The following JADE3 variants were observed in gnomAD, a reference collection of about 807,000 sequenced individuals.
JADE3 encodes protein Jade-3.
Under a neutral mutation model 50.1 loss-of-function variants are expected in JADE3, and 2 were observed. The observed-to-expected ratio is 0.04, with a 90% confidence interval of 0.02 to 0.13. JADE3 has a LOEUF of 0.13. JADE3 is among the 10% of genes least tolerant of loss of function. The pLI, the probability that JADE3 is intolerant of heterozygous loss-of-function variation, is 1.00. For synonymous variants in JADE3, 218 were observed against 232.9 expected, an observed-to-expected ratio of 0.94 and a Z score of 0.58; for missense variants, 475 against 634.4, an observed-to-expected ratio of 0.75 and a Z score of 2.70.
intron 1 of JADE3, among the ~76,000 whole-genome samples, chrX:46,925,817 C>T (rs1314088276): frequency 1.1e-5 from 1 of 88,481 alleles, no homozygotes; most frequent in Non-Finnish European, 2.1e-5. Context: ...GAGCAAGACT[C>T]CGTCTAAAAA....
At chrX:46,935,309 ATTG>A (rs1926592542) in intron 1 of JADE3, among the ~76,000 whole-genome samples, 1 of 111,831 alleles carries the variant, frequency 8.9e-6, no homozygotes, top group Non-Finnish European at 1.9e-5. Flanking sequence ...TTTAAATTCA[ATTG>A]TTATTATTCC....
chrX:47,040,819 C>A (rs1193798966), intron 8 of JADE3, among the ~76,000 whole-genome samples: 2 of 109,172 alleles, frequency 1.8e-5, no homozygotes, highest in Admixed American at 2.0e-4. Context: ...ATTTCTTGCT[C>A]TAGACCTGGG....
intron 6 of JADE3, among the ~76,000 whole-genome samples, chrX:47,032,788 AT>A (rs1201380992): frequency 9.0e-6 from 1 of 111,440 alleles, no homozygotes; most frequent in Non-Finnish European, 1.9e-5. Flanking sequence ...GACCGATATT[AT>A]GGTAACTGTT....
chrX:46,942,704 A>G (rs1280357046), intron 1 of JADE3, among the ~76,000 whole-genome samples: 1 of 111,881 alleles, frequency 8.9e-6, no homozygotes, highest in Non-Finnish European at 1.9e-5. Flanking sequence ...TTGTTGTTCC[A>G]TATGAATTTT....
At chrX:46,982,474 G>A (rs782698418) in intron 1 of JADE3, among the ~76,000 whole-genome samples, 14 of 111,385 alleles carry the variant, frequency 1.3e-4, no homozygotes, top group Admixed American at 9.6e-4. Flanking sequence ...GGTTGTATGG[G>A]TCATACTTTC....
At chrX:46,984,117 C>G (rs895634283) in intron 1 of JADE3, among the ~76,000 whole-genome samples, 2 of 112,139 alleles carry the variant, frequency 1.8e-5, no homozygotes, top group Non-Finnish European at 3.8e-5. Context: ...ATTTTCAGCA[C>G]TTCGTTTGTG....
chrX:46,987,741 C>T (rs1168546200), intron 3 of JADE3, among the ~76,000 whole-genome samples: 5 of 112,073 alleles, frequency 4.5e-5, no homozygotes, highest in South Asian at 3.8e-4. Flanking sequence ...CCTTTTAGGA[C>T]GACAGCTGGT....
chrX:46,982,188 A>G (rs1927769880), intron 1 of JADE3, among the ~76,000 whole-genome samples: 1 of 110,801 alleles, frequency 9.0e-6, no homozygotes. Flanking sequence ...AACTTGCCTA[A>G]TCACTGTTGA....
intron 1 of JADE3, among the ~76,000 whole-genome samples, chrX:46,965,830 T>C (rs1422043114): frequency 9.0e-6 from 1 of 111,382 alleles, no homozygotes; most frequent in Non-Finnish European, 1.9e-5. Flanking sequence ...TGTGTTGGCC[T>C]TGATGAGGAC....
At chrX:47,005,579 C>G (rs1172947980) in intron 4 of JADE3, among the ~76,000 whole-genome samples, 2 of 112,126 alleles carry the variant, frequency 1.8e-5, no homozygotes, top group African/African-American at 6.5e-5. Flanking sequence ...CTTCTCCAGT[C>G]AAACACCACA....
At chrX:46,981,431 A>G (rs1207248335) in intron 1 of JADE3, among the ~76,000 whole-genome samples, 1 of 112,088 alleles carries the variant, frequency 8.9e-6, no homozygotes, top group African/African-American at 3.2e-5. Context: ...ATTTCTGCTT[A>G]AATTTCTACA....
intron 1 of JADE3, among the ~76,000 whole-genome samples, chrX:46,956,716 T>G (rs1256362255): frequency 3.7e-5 from 4 of 109,009 alleles, no homozygotes; most frequent in African/African-American, 1.3e-4. Context: ...CTTCCTTTCC[T>G]TTCTTTCTTT....
chrX:47,018,117 C>T (rs1928713885), intron 4 of JADE3, among the ~76,000 whole-genome samples: 1 of 110,677 alleles, frequency 9.0e-6, no homozygotes, highest in African/African-American at 3.3e-5. Flanking sequence ...AAAGAACAAC[C>T]CCTAATGATA....
intron 9 of JADE3, among the ~76,000 whole-genome samples, chrX:47,055,202 A>G (rs1398470655): frequency 9.0e-6 from 1 of 111,714 alleles, no homozygotes; most frequent in Non-Finnish European, 1.9e-5. Context: ...GAGCCACTCC[A>G]CATGATAATT....
intron 1 of JADE3, among the ~76,000 whole-genome samples, chrX:46,940,623 A>G (rs1185281402): frequency 9.0e-6 from 1 of 110,911 alleles, no homozygotes; most frequent in South Asian, 3.9e-4. Flanking sequence ...TGAAGAGGAA[A>G]GCCCAACTCT....
chrX:47,014,372 A>T (rs782166677), intron 4 of JADE3, among the ~76,000 whole-genome samples: 3 of 112,061 alleles, frequency 2.7e-5, no homozygotes, highest in Non-Finnish European at 5.6e-5. Flanking sequence ...TGTAAAAATG[A>T]TGTGAATGTG....
chrX:46,938,400 G>GT (rs1926681603), intron 1 of JADE3, among the ~76,000 whole-genome samples: 1 of 111,403 alleles, frequency 9.0e-6, no homozygotes, highest in African/African-American at 3.3e-5. Flanking sequence ...TCTACTTAGA[G>GT]TAAGTGCTTT....
chrX:46,927,512 G>A (rs925925714), intron 1 of JADE3, among the ~76,000 whole-genome samples: 1 of 111,867 alleles, frequency 8.9e-6, no homozygotes, highest in Non-Finnish European at 1.9e-5. Context: ...CAAGTTTGGT[G>A]GTTTGACTTG....
At chrX:47,043,858 A>G (rs1020025862) in intron 8 of JADE3, among the ~76,000 whole-genome samples, 31 of 110,257 alleles carry the variant, frequency 2.8e-4, no homozygotes, top group African/African-American at 9.9e-4. Flanking sequence ...GAAAAGAATC[A>G]AGCAGAAATT....
Sources: allele counts gnomAD v4.1 joint callset (sites outside exome capture counted in the v4.1 genomes callset), GRCh38; gene constraint gnomAD v4.1.1; transcripts MANE v1.5; gene names NCBI Gene and HGNC (gene_info 2026-07-23, HGNC 2026-07-21).